The following CDKAL1 variants were observed in gnomAD, a reference collection of about 807,000 sequenced individuals.
The protein encoded by CDKAL1 is threonylcarbamoyladenosine tRNA methylthiotransferase.
In CDKAL1, 32 loss-of-function variants were observed where a neutral mutation model predicts 68.2. The observed-to-expected ratio is 0.47, with a 90% CI of 0.35 to 0.63. The LOEUF is 0.63. Ranked by LOEUF, CDKAL1 falls within the 30% of genes least tolerant of loss-of-function variation. The pLI is 0.00. For missense variants in CDKAL1, 606 were observed against 696.7 expected (o/e 0.87, Z 1.47); for synonymous variants, 234 against 244.3 (o/e 0.96, Z 0.39).
intron 10 of CDKAL1, among the ~76,000 whole-genome samples, chr6:20,998,720 T>C (rs533442658): frequency 6.6e-5 from 10 of 152,344 alleles, no homozygotes; most frequent in African/African-American, 2.4e-4. Context: ...TAAGAAATTC[T>C]TCAACTCCAA....
At chr6:20,696,416 T>C (rs1009301098) in intron 5 of CDKAL1, among the ~76,000 whole-genome samples, 6 of 152,192 alleles carry the variant, frequency 3.9e-5, no homozygotes, top group African/African-American at 1.2e-4. Context: ...AAATATTTAG[T>C]GAAGGAAATG....
In CDKAL1 at chr6:21,005,218, T is replaced by TA. The variant is rs572014802; in HGVS notation, c.1055+4847dup. 1.3e-3 allele frequency among the ~76,000 whole-genome samples: 197 copies of TA among 152,320 alleles called. 1 individual carries two copies. Among genetic ancestry groups the TA allele is most frequent in the South Asian group, 2.1e-3 (10 of 4,830 alleles). On this transcript the variant is annotated intron_variant, in intron 11 of 15. Transcript: ENST00000274695. ...CCAGGGCCTTGAGGCATTAGACAAT[T>TA]ACTTTAATTGGGCCTCTATCATTTG... is the stretch of plus-strand genomic sequence containing the variant.
intron 11 of CDKAL1, among the ~76,000 whole-genome samples, chr6:21,015,684 T>C (rs1487015764): frequency 1.3e-5 from 2 of 152,162 alleles, no homozygotes; most frequent in South Asian, 4.1e-4. Context: ...CCCAGCACTT[T>C]GGGATGCTGA....
chr6:21,040,073 G>A (rs1261256877), intron 11 of CDKAL1, among the ~76,000 whole-genome samples: 1 of 152,134 alleles, frequency 6.6e-6, no homozygotes, highest in South Asian at 2.1e-4. Flanking sequence ...CTTTTGATGC[G>A]TCTCCAAATC....
intron 9 of CDKAL1, among the ~76,000 whole-genome samples, chr6:20,866,493 A>C (rs1302225234): frequency 1.3e-5 from 2 of 152,238 alleles, no homozygotes; most frequent in Non-Finnish European, 2.9e-5. Context: ...TTTGGGCATA[A>C]GAGCCATCTT....
At chr6:20,609,975 A>G (rs994934727) in intron 4 of CDKAL1, among the ~76,000 whole-genome samples, 9 of 151,826 alleles carry the variant, frequency 5.9e-5, no homozygotes, top group Admixed American at 3.3e-4. Context: ...GTTCCCCTCT[A>G]TGTGTCCATG....
intron 13 of CDKAL1, among the ~76,000 whole-genome samples, chr6:21,155,403 G>C (rs1479969896): frequency 6.6e-6 from 1 of 152,112 alleles, no homozygotes; most frequent in Non-Finnish European, 1.5e-5. Context: ...AGCTCAAGCT[G>C]GACATGAAAA....
intron 12 of CDKAL1, among the ~76,000 whole-genome samples, chr6:21,077,960 A>C (rs1300084160): frequency 1.3e-5 from 2 of 152,186 alleles, no homozygotes; most frequent in Non-Finnish European, 2.9e-5. Context: ...GGGCAGAAAC[A>C]AAGGTCAGAG....
chr6:21,119,300 A>G lies in CDKAL1; in HGVS notation c.1299+10837A>G, dbSNP rs1244376643. Among the ~76,000 whole-genome samples the G allele has an allele frequency of 2.6e-5, 4 of 152,256 alleles. No homozygotes were observed. The East Asian group carries it at 7.7e-4, about 29-fold the overall frequency. On this transcript the variant is annotated intron_variant, in intron 13 of 15. Coordinates refer to ENST00000274695, the MANE Select transcript of CDKAL1 (RefSeq NM_017774.3). ...GCATCTAGCACACAGTAAGTGCTCA[A>G]TAAATGACTATGATTCTTATAGTAA...
At chr6:20,877,360 A>C (rs1400427221) in intron 9 of CDKAL1, among the ~76,000 whole-genome samples, 1 of 152,218 alleles carries the variant, frequency 6.6e-6, no homozygotes, top group African/African-American at 2.4e-5. Context: ...TTTTTAGCCT[A>C]ATATCTTGAA....
At chr6:20,925,795 G>T (rs908274519) in intron 9 of CDKAL1, among the ~76,000 whole-genome samples, 1 of 152,080 alleles carries the variant, frequency 6.6e-6, no homozygotes. Flanking sequence ...TCAAGCCAAA[G>T]ATATTAGTTA....
chr6:20,911,525 A>G (rs936911166), intron 9 of CDKAL1, among the ~76,000 whole-genome samples: 1 of 152,246 alleles, frequency 6.6e-6, no homozygotes, highest in Non-Finnish European at 1.5e-5. Flanking sequence ...GCCTTTGTTC[A>G]TGAATTTTAC....
intron 7 of CDKAL1, among the ~76,000 whole-genome samples, chr6:20,774,501 G>A (rs976813431): frequency 6.6e-6 from 1 of 152,174 alleles, no homozygotes; most frequent in African/African-American, 2.4e-5. Flanking sequence ...AGGCTTTCTA[G>A]TATACATGGG....
intron 4 of CDKAL1, among the ~76,000 whole-genome samples, chr6:20,588,360 A>G (rs552094762): frequency 3.9e-5 from 6 of 152,276 alleles, no homozygotes; most frequent in African/African-American, 1.4e-4. Flanking sequence ...CCCTCACCCA[A>G]AAATTCATCT....
chr6:21,098,001 T>C (rs1479373392), intron 12 of CDKAL1, among the ~76,000 whole-genome samples: 1 of 152,246 alleles, frequency 6.6e-6, no homozygotes. Context: ...GCCTGGTTGC[T>C]TGGTTAAGTA....
At chr6:20,562,836 A>G (rs1411326571) in intron 4 of CDKAL1, among the ~76,000 whole-genome samples, 2 of 152,182 alleles carry the variant, frequency 1.3e-5, no homozygotes, top group Non-Finnish European at 1.5e-5. Flanking sequence ...CTCATGTCCT[A>G]TACGGTGCTT....
intron 10 of CDKAL1, among the ~76,000 whole-genome samples, chr6:20,976,885 C>T (rs754468040): frequency 1.3e-5 from 2 of 152,160 alleles, no homozygotes; most frequent in Non-Finnish European, 2.9e-5. Flanking sequence ...AAATATATCA[C>T]AGTTCACCCA....
intron 8 of CDKAL1, among the ~76,000 whole-genome samples, chr6:20,814,370 A>T (rs889788342): frequency 5.9e-5 from 9 of 152,106 alleles, no homozygotes; most frequent in Non-Finnish European, 7.4e-5. Flanking sequence ...AGACAGTTTT[A>T]CTTCATTCTT....
At chr6:20,965,657 C>G (rs951028359) in intron 10 of CDKAL1, among the ~76,000 whole-genome samples, 1 of 152,148 alleles carries the variant, frequency 6.6e-6, no homozygotes, top group South Asian at 2.1e-4. Context: ...TATAGAAGAG[C>G]ATTAGATATG....
Sources: allele counts gnomAD v4.1 joint callset (sites outside exome capture counted in the v4.1 genomes callset), GRCh38; gene constraint gnomAD v4.1.1; transcripts MANE v1.5; gene names NCBI Gene and HGNC (gene_info 2026-07-23, HGNC 2026-07-21).